GRHL2: variants seen among roughly 807,000 people sequenced by gnomAD.
The protein encoded by GRHL2 is grainyhead like transcription factor 2.
GRHL2 carries 21 observed loss-of-function variants against 83.8 expected under a neutral mutation model. The observed-to-expected ratio is 0.25, with a 90% confidence interval of 0.18 to 0.36. The LOEUF is 0.36. GRHL2 is among the 10% of genes least tolerant of loss of function. GRHL2 has a pLI of 1.00. For missense variants in GRHL2, 623 were observed against 781.8 expected, an observed-to-expected ratio of 0.80 and a Z score of 2.42; for synonymous variants, 280 against 278.9, an observed-to-expected ratio of 1.00 and a Z score of -0.04.
chr8:101,677,240 G>C, the GRHL2 span, among the ~76,000 whole-genome samples: 1 of 149,414 alleles, frequency 6.7e-6, no homozygotes, highest in Non-Finnish European at 1.5e-5. Flanking sequence ...TAAAGAAAAG[G>C]CACCAAGATG....
intron 8 of GRHL2, among the ~76,000 whole-genome samples, chr8:101,616,798 T>C (rs1812866550): frequency 6.6e-6 from 1 of 152,212 alleles, no homozygotes; most frequent in African/African-American, 2.4e-5. Flanking sequence ...TTCTATCCCC[T>C]ATATCTAATG....
chr8:101,513,489 C>T (rs17397386), intron 1 of GRHL2, among the ~76,000 whole-genome samples: 10,287 of 58,766 alleles, frequency 0.18, 585 homozygotes, highest in Non-Finnish European at 0.25. Context: ...TGGGTGCAGG[C>T]TATCGTTGTG....
At chr8:101,600,677 AAC>A (rs1812491319) in intron 8 of GRHL2, among the ~76,000 whole-genome samples, 1 of 152,224 alleles carries the variant, frequency 6.6e-6, no homozygotes, top group Non-Finnish European at 1.5e-5. Context: ...CATGCAGACA[AAC>A]ACACAGATTT....
intron 13 of GRHL2, among the ~76,000 whole-genome samples, chr8:101,645,221 C>A (rs1178490381): frequency 6.7e-6 from 1 of 148,908 alleles, no homozygotes; most frequent in African/African-American, 2.5e-5. Flanking sequence ...CAACCTCCAC[C>A]TCCTGGGTTC....
In GRHL2 at chr8:101,658,037, T is replaced by G. The variant is rs552615140; in HGVS notation, c.1699-6417T>G. On this transcript the variant is annotated intron_variant, in intron 14 of 15. Coordinates refer to ENST00000646743, the MANE Select transcript of GRHL2 (RefSeq NM_024915.4). ...TGACAGACAGCCAGCTTCCTCTGAA[T>G]GATGATATCCTGCCTGGTCTCACTT... Among the ~76,000 whole-genome samples, 12 of 152,320 alleles carry G rather than the reference T, an allele frequency of 7.9e-5. No individual in the cohort carries two copies. In the East Asian group the frequency reaches 2.1e-3, roughly 27 times the overall value.
intron 7 of GRHL2, among the ~76,000 whole-genome samples, chr8:101,595,129 G>A (rs2130300777): frequency 1.3e-5 from 2 of 152,290 alleles, no homozygotes; most frequent in South Asian, 4.1e-4. Context: ...TCTTTCTCAA[G>A]CATGAGGACA....
chr8:101,502,720 G>A (rs1454655740), intron 1 of GRHL2, among the ~76,000 whole-genome samples: 4 of 151,336 alleles, frequency 2.6e-5, no homozygotes, highest in Non-Finnish European at 5.9e-5. Flanking sequence ...GTAGGTGAAA[G>A]GGATGACCTC....
the GRHL2 span, among the ~76,000 whole-genome samples, chr8:101,680,551 G>A: frequency 1.7e-5 from 2 of 121,164 alleles, no homozygotes; most frequent in African/African-American, 6.7e-5. Context: ...CCCAGGAATT[G>A]AACTCAGCTC....
chr8:101,594,647 G>A (rs1812354995), intron 7 of GRHL2, among the ~76,000 whole-genome samples: 1 of 152,246 alleles, frequency 6.6e-6, no homozygotes, highest in South Asian at 2.1e-4. Context: ...CACCTGTGGA[G>A]ACTGAACACA....
At chr8:101,569,947 G>A (rs1271489393) in intron 4 of GRHL2, among the ~76,000 whole-genome samples, 1 of 152,144 alleles carries the variant, frequency 6.6e-6, no homozygotes, top group African/African-American at 2.4e-5. Flanking sequence ...CTACTGTATT[G>A]CTTTTTGCTG....
intron 14 of GRHL2, among the ~76,000 whole-genome samples, chr8:101,652,393 GT>G: frequency 1.5e-5 from 1 of 66,520 alleles, no homozygotes; most frequent in South Asian, 5.0e-4. Flanking sequence ...TGGTGTGTGT[GT>G]GTGTCTGGTG....
intron 7 of GRHL2, among the ~76,000 whole-genome samples, chr8:101,584,959 T>C (rs1324321764): frequency 6.9e-6 from 1 of 144,216 alleles, no homozygotes; most frequent in Non-Finnish European, 1.5e-5. Context: ...AGGTGGTCAG[T>C]TGGCCAGGTA....
downstream of GRHL2, among the ~76,000 whole-genome samples, chr8:101,671,455 G>A (rs1274455627): frequency 1.4e-5 from 2 of 145,026 alleles, no homozygotes. Flanking sequence ...CGGCAGCGAT[G>A]CTGGGGGAGG....
intron 2 of GRHL2, among the ~76,000 whole-genome samples, chr8:101,549,207 G>A (rs1451458931): frequency 1.3e-5 from 2 of 152,176 alleles, no homozygotes; most frequent in East Asian, 3.8e-4. Context: ...TTTATGAGAA[G>A]GAGCATATGC....
intron 7 of GRHL2, among the ~76,000 whole-genome samples, chr8:101,581,124 G>T (rs1468273851): frequency 6.6e-6 from 1 of 152,240 alleles, no homozygotes; most frequent in Non-Finnish European, 1.5e-5. Context: ...CTGGTTCACA[G>T]ACATCCTGAT....
intron 1 of GRHL2, among the ~76,000 whole-genome samples, chr8:101,493,723 G>C (rs1446880944): frequency 6.6e-5 from 10 of 152,188 alleles, no homozygotes; most frequent in Non-Finnish European, 8.8e-5. Flanking sequence ...CGCCGTCAAG[G>C]CCGAGGGCTC....
rs1813669098 is a variant in GRHL2, at chr8:101,652,445, G to GTGGTGTGTGTC, written c.1698+2957_1698+2967dup. ...TGTGTGGTGTGTGTGTCTGGTGTGT[G>GTGGTGTGTGTC]TGGTGTGTGTCTGGTGTGTGTGGTG... On this transcript the variant is annotated intron_variant, in intron 14 of 15. Transcript: ENST00000646743. 2.6e-4 allele frequency among the ~76,000 whole-genome samples: 25 copies of GTGGTGTGTGTC among 94,976 alleles called. 2 individuals are homozygous for GTGGTGTGTGTC. The highest frequency in any genetic ancestry group is 1.1e-3 in the South Asian group (3 of 2,728). The allele number at this position is 94,976 out of a possible 152,430, so 62.3% of individuals were successfully genotyped here.
chr8:101,580,209 C>T (rs761524476), intron 7 of GRHL2, among the ~76,000 whole-genome samples: 19 of 151,950 alleles, frequency 1.3e-4, no homozygotes, highest in Non-Finnish European at 2.2e-4. Context: ...TTATGGAGTA[C>T]CTGTGATATT....
intron 2 of GRHL2, among the ~76,000 whole-genome samples, chr8:101,549,144 G>T (rs1187707245): frequency 1.3e-5 from 2 of 152,010 alleles, no homozygotes; most frequent in African/African-American, 2.4e-5. Flanking sequence ...GTAGTGTGGG[G>T]GTAGGAGGGG....
Sources: allele counts gnomAD v4.1 joint callset (sites outside exome capture counted in the v4.1 genomes callset), GRCh38; gene constraint gnomAD v4.1.1; transcripts MANE v1.5; gene names NCBI Gene and HGNC (gene_info 2026-07-23, HGNC 2026-07-21).